AANAT: variants seen among roughly 807,000 people sequenced by gnomAD.
AANAT encodes aralkylamine N-acetyltransferase.
In AANAT, 11 loss-of-function variants were observed where a neutral mutation model predicts 15.6. The observed-to-expected ratio is 0.71, with a 90% confidence interval of 0.44 to 1.17. The LOEUF (loss-of-function observed/expected upper bound fraction) is 1.17. Among genes scored for constraint, AANAT ranks in the 50% most tolerant of loss-of-function variants. The pLI is 0.00. For synonymous variants in AANAT, 139 were observed against 131.5 expected (o/e 1.06, Z -0.39); for missense variants, 286 against 296.3 (o/e 0.97, Z 0.26).
upstream of AANAT, among the ~76,000 whole-genome samples, chr17:76,465,180 C>G (rs545936420): frequency 6.6e-6 from 1 of 152,280 alleles, no homozygotes; most frequent in East Asian, 1.9e-4. Context: ...ATTCTCCCCC[C>G]CATCCCCAAG....
rs750140320 is a variant in AANAT at position 76,457,565 on chromosome 17, A to G, written c.-575-1682A>G. Among the ~76,000 whole-genome samples the G allele has an allele frequency of 5.3e-5, 8 of 152,344 alleles. No homozygotes were observed. The Middle Eastern group carries it at 0.014, about 259-fold the overall frequency. On this transcript the variant is annotated intron_variant, in intron 1 of 6. Coordinates refer to the AANAT transcript ENST00000250615. ...GCTGTAACTTCATGCCAGATACTCT[A>G]CTAAGTGCTTTACATAGATTATCAG...
intron 1 of AANAT, among the ~76,000 whole-genome samples, chr17:76,468,436 G>A (rs1428669446): frequency 1.3e-5 from 2 of 152,214 alleles, no homozygotes; most frequent in Non-Finnish European, 2.9e-5. Context: ...CTGCAGGTCT[G>A]CAAGGTGGCA....
At chr17:76,460,933 G>A (rs968891299) in intron 2 of AANAT, among the ~76,000 whole-genome samples, 1 of 152,124 alleles carries the variant, frequency 6.6e-6, no homozygotes, top group Non-Finnish European at 1.5e-5. Context: ...GGGAGGCTGA[G>A]GGGGGCAGAT....
chr17:76,458,282 C>T (rs1197629530), intron 1 of AANAT, among the ~76,000 whole-genome samples: 1 of 152,178 alleles, frequency 6.6e-6, no homozygotes, highest in Non-Finnish European at 1.5e-5. Flanking sequence ...GGACCTCACT[C>T]AGACCCAAGA....
intron 2 of AANAT, chr17:76,459,415 A>G (rs1179170140): frequency 6.6e-6 from 1 of 152,258 alleles, no homozygotes; most frequent in Non-Finnish European, 1.5e-5. Context: ...CTTCTCCCAG[A>G]GTTCTCATCC....
At chr17:76,454,240 G>A (rs1234601138) in intron 1 of AANAT, among the ~76,000 whole-genome samples, 2 of 152,044 alleles carry the variant, frequency 1.3e-5, no homozygotes, top group Admixed American at 1.3e-4. Context: ...ACTTTGGGAG[G>A]CTGAGGTGGG....
At chr17:76,459,186 G>C (rs1361897569) in intron 1 of AANAT, 1 of 152,232 alleles carries the variant, frequency 6.6e-6, no homozygotes, top group Non-Finnish European at 1.5e-5. Flanking sequence ...ACAGTGAAAA[G>C]TTTGAGCAAT....
intron 1 of AANAT, among the ~76,000 whole-genome samples, chr17:76,456,256 G>A (rs747308502): frequency 5.9e-5 from 9 of 151,742 alleles, no homozygotes; most frequent in South Asian, 2.1e-4. Flanking sequence ...ACTTGAACCC[G>A]GGAGGTGGAG....
chr17:76,453,792 G>A (rs974158327), intron 1 of AANAT: 2 of 152,350 alleles, frequency 1.3e-5, no homozygotes, highest in East Asian at 1.9e-4. Flanking sequence ...GGTAACAAAA[G>A]GATCAGTGGT....
intron 1 of AANAT, among the ~76,000 whole-genome samples, chr17:76,455,354 G>C (rs1413784496): frequency 6.6e-6 from 1 of 151,962 alleles, no homozygotes; most frequent in Non-Finnish European, 1.5e-5. Context: ...GGGAGGCTGA[G>C]ACACGAGAAC....
At chr17:76,460,085 G>A (rs1284537484) in intron 2 of AANAT, among the ~76,000 whole-genome samples, 1 of 146,200 alleles carries the variant, frequency 6.8e-6, no homozygotes, top group Non-Finnish European at 1.5e-5. Context: ...TCTGCATCCA[G>A]CATGGAGTGC....
At chr17:76,467,532 C>T, upstream of AANAT, 1 of 985,524 alleles carries the variant, frequency 1.0e-6, no homozygotes, top group Non-Finnish European at 1.2e-6. Flanking sequence ...CTGGCGTCAT[C>T]CTGCCTGGGA....
chr17:76,463,921 A>T (rs1395481515), upstream of AANAT, among the ~76,000 whole-genome samples: 2 of 152,086 alleles, frequency 1.3e-5, no homozygotes, highest in Non-Finnish European at 2.9e-5. Flanking sequence ...TCTGATTAGG[A>T]GTGGGATGGG....
intron 1 of AANAT, among the ~76,000 whole-genome samples, chr17:76,456,050 G>A (rs1439013144): frequency 6.6e-6 from 1 of 151,946 alleles, no homozygotes; most frequent in Non-Finnish European, 1.5e-5. Context: ...ACATGCACAA[G>A]GTCGGGCACG....
intron 2 of AANAT, among the ~76,000 whole-genome samples, chr17:76,459,632 G>A (rs764791262): frequency 3.9e-5 from 6 of 152,178 alleles, no homozygotes; most frequent in East Asian, 1.9e-4. Flanking sequence ...GTGAGCTTCC[G>A]GAGTCACAGG....
At chr17:76,468,500 G>A in intron 1 of AANAT, 172 bp from the exon 2 acceptor site, 2 of 623,728 alleles carry the variant, frequency 3.2e-6, no homozygotes, top group Non-Finnish European at 5.5e-6. Context: ...CAGTGCCAAT[G>A]TTTGCAATGC....
At chr17:76,454,468 G>A (rs1340794164) in intron 1 of AANAT, among the ~76,000 whole-genome samples, 1 of 151,780 alleles carries the variant, frequency 6.6e-6, no homozygotes, top group Non-Finnish European at 1.5e-5. Context: ...CTGGGCAACA[G>A]AGCAAGACTC....
intron 2 of AANAT, among the ~76,000 whole-genome samples, chr17:76,462,120 C>T (rs371603942): frequency 2.8e-4 from 42 of 152,094 alleles, no homozygotes; most frequent in African/African-American, 7.5e-4. Context: ...AGGGCTAAAT[C>T]GCAACCTCAC....
At chr17:76,466,803 T>C (rs2143975666), upstream of AANAT, among the ~76,000 whole-genome samples, 1 of 152,004 alleles carries the variant, frequency 6.6e-6, no homozygotes, top group Non-Finnish European at 1.5e-5. Context: ...CTGTAAGCAG[T>C]GGCACTCACA....
Sources: gnomAD v4.1 joint callset for allele counts (sites outside exome capture counted in the v4.1 genomes callset) on GRCh38, gnomAD v4.1.1 for gene constraint, MANE v1.5 for transcripts, NCBI Gene and HGNC (gene_info 2026-07-23, HGNC 2026-07-21) for gene names.